The following ITGAD variants were observed in gnomAD, a reference collection of about 807,000 sequenced individuals.
ITGAD encodes integrin alpha-D.
A neutral mutation model predicts 139.0 loss-of-function variants in ITGAD; 105 were observed. That is an observed-to-expected ratio of 0.76 (90% CI 0.65 to 0.89). The LOEUF is 0.89. Ranked by LOEUF, ITGAD falls within the 40% of genes least tolerant of loss-of-function variation. ITGAD has a pLI of 0.00. For missense variants in ITGAD, 1,384 were observed against 1,487.3 expected, an observed-to-expected ratio of 0.93 and a Z score of 1.14; for synonymous variants, 569 against 598.3, an observed-to-expected ratio of 0.95 and a Z score of 0.71.
In ITGAD at chr16:31,424,595, CTCT is replaced by C; in HGVS notation, c.3372+20_3372+22del. The C allele has an allele frequency of 6.9e-7, 1 of 1,450,792 alleles. No individual in the cohort carries two copies. Among genetic ancestry groups the C allele is most frequent in the Non-Finnish European group, 9.4e-7 (1 of 1,062,016 alleles). 89.9% of individuals were successfully genotyped at this position (1,450,792 alleles called of 1,614,324 possible). A position where few individuals can be genotyped will look rare whatever the true frequency, so the allele number is the denominator to read the frequency against. ...TGTACAAGGCAAGTGTTTTATCCAA[CTCT>C]TTTTTTTTTTTTTTTGAGATGGAGT... On this transcript the variant is annotated intron_variant, in intron 29 of 29. Transcript: ENST00000389202.
Position 31,413,096 on chromosome 16 carries a change from C to T in ITGAD, c.1846C>T (p.Pro616Ser). Reference sequence around the variant, plus strand: ...CACTACTCTGCCCCTCAGGAGTCTGCCGGTGCTGAAAGTGGGGGTGGCCAT... The same window carrying T: ...CACTACTCTGCCCCTCAGGAGTCTGTCGGTGCTGAAAGTGGGGGTGGCCAT... ...RGQVLLLRSL[P>S]VLKVGVAMRF... The change falls in exon 16 of 30, where the codon CCG (proline) becomes TCG (serine). Residue 616 changes from proline to serine, a missense_variant. Coordinates refer to ENST00000389202, the MANE Select transcript of ITGAD (RefSeq NM_005353.3). 1 of 1,614,098 alleles carries T rather than the reference C, an allele frequency of 6.2e-7. No homozygotes were observed. The highest frequency in any genetic ancestry group is 8.5e-7 in the Non-Finnish European group (1 of 1,179,998).
At chr16:31,398,523 C>T (rs1196235880) in intron 5 of ITGAD, among the ~76,000 whole-genome samples, 3 of 151,910 alleles carry the variant, frequency 2.0e-5, no homozygotes, top group East Asian at 1.9e-4. Flanking sequence ...GCTCTGTCGC[C>T]CAGGCTGGAG....
At chr16:31,401,877 T>C (rs923213538) in intron 5 of ITGAD, among the ~76,000 whole-genome samples, 25 of 152,184 alleles carry the variant, frequency 1.6e-4, no homozygotes, top group Non-Finnish European at 2.9e-4. Flanking sequence ...TTAATGAATA[T>C]TTGTTGATTA....
In ITGAD at chr16:31,403,410, A is replaced by T. The variant is rs1474581947; in HGVS notation, c.559-90A>T. ...GGCAGGAGGATCACTTGAGGCCAGG[A>T]GTTTGAGAGACCCTGTCTCTACAAA... On this transcript the variant is annotated intron_variant, in intron 6 of 29. Transcript: ENST00000389202. This position sits in a 1 kb window ranked among gnomAD's most constrained non-coding sequence, Gnocchi z 4.4. 3 of 1,467,332 alleles carry T rather than the reference A, an allele frequency of 2.0e-6. No homozygotes were observed. In the East Asian group the frequency reaches 6.8e-5, roughly 33 times the overall value. The allele number at this position is 1,467,332 out of a possible 1,614,324, so 90.9% of individuals were successfully genotyped here.
intron 11 of ITGAD, 98 bp downstream of exon 11, chr16:31,410,622 G>T: frequency 1.3e-6 from 2 of 1,569,504 alleles, no homozygotes; most frequent in Non-Finnish European, 1.7e-6. Context: ...TGCTGCCTGG[G>T]GTGGGTTCCA....
intron 10 of ITGAD, among the ~76,000 whole-genome samples, chr16:31,409,318 A>AACAAAAAC: frequency 7.2e-6 from 1 of 139,744 alleles, no homozygotes; most frequent in African/African-American, 2.7e-5. Context: ...CAACAAAAAC[A>AACAAAAAC]AAAACAAAAC....
At chr16:31,414,337 A>G in intron 16 of ITGAD, 114 bp from the exon 17 acceptor site, 1 of 1,089,852 alleles carries the variant, frequency 9.2e-7, no homozygotes, top group Non-Finnish European at 1.3e-6. Flanking sequence ...CACGTGGTAC[A>G]GTTCATGGCC....
chr16:31,408,000 T>A, intron 9 of ITGAD, 84 bp downstream of exon 9: 3 of 1,363,358 alleles, frequency 2.2e-6, no homozygotes, highest in Non-Finnish European at 3.0e-6. Flanking sequence ...TGAGATGGAG[T>A]CTCACTTTGT....
At chr16:31,408,687 G>A (rs983562771) in intron 10 of ITGAD, 189 bp downstream of exon 10, 1 of 572,216 alleles carries the variant, frequency 1.7e-6, no homozygotes, top group African/African-American at 1.9e-5. Flanking sequence ...CTGCTCTCAA[G>A]GATCATGTAT....
intron 1 of ITGAD, among the ~76,000 whole-genome samples, chr16:31,393,793 C>T (rs926327016): frequency 6.6e-6 from 1 of 152,070 alleles, no homozygotes; most frequent in Admixed American, 6.6e-5. Context: ...AGGGAAGAGG[C>T]CCCCTGCTGA....
chr16:31,411,157 C>T lies in ITGAD; in HGVS notation c.1438C>T (p.Pro480Ser). 1.2e-6 allele frequency: 2 copies of T among 1,614,020 alleles called. No homozygotes were observed. The highest frequency in any genetic ancestry group is 2.2e-5 in the East Asian group (1 of 44,882). ...GSTDLILIGAPHYYEQTRGGQ... is the reference protein window; with the variant it reads ...GSTDLILIGASHYYEQTRGGQ... Reference sequence around the variant, plus strand: ...CACCGACCTGATCCTCATTGGGGCCCCCCATTACTATGAGCAGACCCGAGG... The same window carrying T: ...CACCGACCTGATCCTCATTGGGGCCTCCCATTACTATGAGCAGACCCGAGG... The change falls in exon 13 of 30, where the codon CCC becomes TCC. Residue 480 changes from proline (P) to serine (S), a missense_variant. Pro to Ser is a moderately conservative substitution (Grantham distance 74, BLOSUM62 -1). Coordinates refer to ENST00000389202, the MANE Select transcript of ITGAD (RefSeq NM_005353.3).
At chr16:31,419,210 A>C (rs954083543) in intron 23 of ITGAD, among the ~76,000 whole-genome samples, 2 of 152,054 alleles carry the variant, frequency 1.3e-5, no homozygotes, top group African/African-American at 4.8e-5. Flanking sequence ...AAAAAAAAAA[A>C]AAGGTGTTTT....
chr16:31,416,337 A>G (rs764456095), intron 19 of ITGAD, 51 bp downstream of exon 19: 1 of 1,531,544 alleles, frequency 6.5e-7, no homozygotes, highest in Non-Finnish European at 9.0e-7. Context: ...TGAGTCCCCC[A>G]TCCTCCTGGG....
intron 4 of ITGAD, 40 bp downstream of exon 4, chr16:31,397,706 C>CCGGGGGGGGGGGGGGGGGGGGGGG: frequency 3.3e-6 from 1 of 299,966 alleles, no homozygotes. Context: ...TGGGGTGGGG[C>CCGGGGGGGGGGGGGGGGGGGGGGG]GGGGGGTGTT....
chr16:31,394,130 C>CAAAA (rs943198130), intron 1 of ITGAD, 106 bp from the exon 2 acceptor site: 14 of 417,110 alleles, frequency 3.4e-5, no homozygotes, highest in Non-Finnish European at 4.8e-5. Flanking sequence ...GACTCCATCT[C>CAAAA]AAAAAAAAAA....
chr16:31,411,171 G>A lies in ITGAD; in HGVS notation c.1452G>A (p.Glu484=). ...TCATTGGGGCCCCCCATTACTATGA[G>A]CAGACCCGAGGGGGCCAGGTGTCCG... ...LILIGAPHYY[E]QTRGGQVSVC... The change falls in exon 13 of 30, where the codon GAG becomes GAA. Residue 484 remains glutamate (E), a synonymous_variant. Coordinates refer to ENST00000389202, the MANE Select transcript of ITGAD (RefSeq NM_005353.3). 1 of 1,614,064 alleles carries A rather than the reference G, an allele frequency of 6.2e-7. No individual in the cohort carries two copies. The highest frequency in any genetic ancestry group is 8.5e-7 in the Non-Finnish European group (1 of 1,179,958).
chr16:31,411,056 A>G lies in ITGAD; in HGVS notation c.1357-20A>G. The G allele has an allele frequency of 6.2e-7, 1 of 1,611,514 alleles. No individual in the cohort carries two copies. Among genetic ancestry groups the G allele is most frequent in the Non-Finnish European group, 8.5e-7 (1 of 1,179,670 alleles). On this transcript the variant is annotated intron_variant, in intron 12 of 29. Transcript: ENST00000389202. Reference sequence around the variant, plus strand: ...GCCTCTGGCTGGGACAGGCAGCATGACCCAGGCTCTGCCCTCCAGATCGGC... The same window carrying G: ...GCCTCTGGCTGGGACAGGCAGCATGGCCCAGGCTCTGCCCTCCAGATCGGC...
At position 31,412,873 on chromosome 16, in the gene ITGAD, G is replaced by A. The variant is rs771461692; in HGVS notation, c.1743G>A (p.Gln581=). 3.1e-6 allele frequency: 5 copies of A among 1,614,138 alleles called. No homozygotes were observed. The East Asian group carries it at 1.1e-4, about 36-fold the overall frequency. The change falls in exon 15 of 30, where the codon CAG becomes CAA. Residue 581 remains glutamine, a synonymous_variant. Coordinates refer to ENST00000389202, the MANE Select transcript of ITGAD (RefSeq NM_005353.3). Reference sequence around the variant, plus strand: ...GCTCCCAGCTCTCCCCCAGGCTGCAGTATTTTGGGCAGGCGCTGAGTGGGG... The same window carrying A: ...GCTCCCAGCTCTCCCCCAGGCTGCAATATTTTGGGCAGGCGCTGAGTGGGG... ...IASSQLSPRL[Q]YFGQALSGGQ...
intron 1 of ITGAD, 64 bp from the exon 2 acceptor site, chr16:31,394,172 G>T: frequency 2.1e-6 from 2 of 932,886 alleles, no homozygotes; most frequent in South Asian, 1.4e-5. Flanking sequence ...AAAAGAGGCT[G>T]GGAGGTCCTA....
Sources: allele counts gnomAD v4.1 joint callset (sites outside exome capture counted in the v4.1 genomes callset), GRCh38; gene constraint gnomAD v4.1.1; non-coding constraint Gnocchi (gnomAD v3.1); transcripts MANE v1.5; gene names NCBI Gene and HGNC (gene_info 2026-07-23, HGNC 2026-07-21).